The following TLK2 variants were observed in gnomAD, a reference collection of about 807,000 sequenced individuals.
TLK2 encodes tousled like kinase 2.
In TLK2, 6 loss-of-function variants were observed where a neutral mutation model predicts 117.3. The observed-to-expected ratio is 0.05, with a 90% confidence interval of 0.03 to 0.10. The LOEUF (loss-of-function observed/expected upper bound fraction) is 0.10. Among genes scored for constraint, TLK2 ranks in the 10% least tolerant of loss-of-function variants. The pLI, the probability that TLK2 is intolerant of heterozygous loss-of-function variation, is 1.00. For missense variants in TLK2, 299 were observed against 901.2 expected (o/e 0.33, Z 8.56); for synonymous variants, 257 against 316.7 (o/e 0.81, Z 2.00).
chr17:62,508,539 C>T, intron 2 of TLK2: 1 of 985,036 alleles, frequency 1.0e-6, no homozygotes, highest in Non-Finnish European at 1.2e-6. Context: ...GAGAGTACAT[C>T]GGATATAACA....
At chr17:62,537,646 G>T (rs2077206362) in intron 7 of TLK2, among the ~76,000 whole-genome samples, 1 of 152,142 alleles carries the variant, frequency 6.6e-6, no homozygotes, top group East Asian at 1.9e-4. Context: ...GCCTGGGATA[G>T]GCTCTGGCTT....
intron 2 of TLK2, among the ~76,000 whole-genome samples, chr17:62,512,904 G>A (rs2075275185): frequency 8.2e-6 from 1 of 121,264 alleles, no homozygotes; most frequent in Non-Finnish European, 1.9e-5. Context: ...TAGAGACGAA[G>A]TTTCGCTCTC....
chr17:62,596,556 T>A (rs769171183), intron 16 of TLK2, 29 bp from the exon 17 acceptor site: 1 of 1,573,486 alleles, frequency 6.4e-7, no homozygotes, highest in African/African-American at 1.3e-5. Context: ...CCAATATACC[T>A]TCTTGTTAAT....
rs2083913041 is a variant in TLK2, at chr17:62,613,107, G to A, written c.*542G>A. On this transcript the variant is annotated 3_prime_UTR_variant, in exon 22 of 22. Transcript: ENST00000346027. ...TTGCCCGTTAAAGGCACTAGAGTTAGTGTTTTATCCCTAAATAATTTCAAT... is the reference window on the plus strand; with the variant it reads ...TTGCCCGTTAAAGGCACTAGAGTTAATGTTTTATCCCTAAATAATTTCAAT... 1 of 152,652 alleles carries A rather than the reference G, an allele frequency of 6.6e-6. No individual in the cohort carries two copies. The highest frequency in any genetic ancestry group is 2.4e-5 in the African/African-American group (1 of 41,454). 9.5% of individuals were successfully genotyped at this position (152,652 alleles called of 1,614,324 possible).
At chr17:62,558,308 G>A (rs1184414886) in intron 9 of TLK2, among the ~76,000 whole-genome samples, 8 of 152,046 alleles carry the variant, frequency 5.3e-5, no homozygotes, top group Admixed American at 5.2e-4. Context: ...CATCAGAGGC[G>A]CATGCCACCA....
At chr17:62,598,766 G>A (rs905423679) in intron 17 of TLK2, among the ~76,000 whole-genome samples, 13 of 151,824 alleles carry the variant, frequency 8.6e-5, no homozygotes, top group African/African-American at 2.9e-4. Context: ...CTTGTGATCC[G>A]CCCGCCTGGG....
At chr17:62,575,643 C>CT (rs1448568104) in intron 12 of TLK2, among the ~76,000 whole-genome samples, 1 of 152,108 alleles carries the variant, frequency 6.6e-6, no homozygotes, top group East Asian at 1.9e-4. Context: ...ACTTGTTCAT[C>CT]TTTTTTTCTT....
intron 1 of TLK2, among the ~76,000 whole-genome samples, chr17:62,480,242 G>A (rs1337424894): frequency 1.3e-5 from 2 of 152,214 alleles, no homozygotes; most frequent in Non-Finnish European, 2.9e-5. Context: ...GTGTTCGAAG[G>A]GGTTCTATGT....
chr17:62,514,870 C>T (rs9890379), intron 2 of TLK2, among the ~76,000 whole-genome samples: 2,505 of 152,288 alleles, frequency 0.016, 62 homozygotes, highest in African/African-American at 0.055. Context: ...TGAGCCACCG[C>T]GCCCAGCCCT....
In TLK2 at chr17:62,595,094, G is replaced by A. The variant is rs147017038; in HGVS notation, c.1461-1491G>A. On this transcript the variant is annotated intron_variant, in intron 16 of 21. Coordinates refer to ENST00000346027, the MANE Select transcript of TLK2 (RefSeq NM_006852.6). ...CTCCTGCTTCAGCCTCTTGAGTAGT[G>A]GGGATTACAGGTGGCCACCACCACG... is the stretch of plus-strand genomic sequence containing the variant. Among the ~76,000 whole-genome samples, 157 of 152,060 alleles carry A rather than the reference G, an allele frequency of 1.0e-3. 1 individual carries two copies. Among genetic ancestry groups the A allele is most frequent in the African/African-American group, 3.5e-3 (147 of 41,492 alleles).
intron 2 of TLK2, among the ~76,000 whole-genome samples, chr17:62,515,763 C>G (rs770979939): frequency 2.6e-5 from 4 of 152,274 alleles, no homozygotes; most frequent in Non-Finnish European, 5.9e-5. Context: ...CAAGCATTTT[C>G]TCCCATTCCA....
chr17:62,609,830 T>G (rs752924889), intron 21 of TLK2, among the ~76,000 whole-genome samples: 30 of 152,214 alleles, frequency 2.0e-4, no homozygotes, highest in Non-Finnish European at 4.0e-4. Context: ...AAGGTGTTAG[T>G]AGCTAGGTGC....
At chr17:62,515,802 G>A (rs2075533861) in intron 2 of TLK2, among the ~76,000 whole-genome samples, 1 of 152,076 alleles carries the variant, frequency 6.6e-6, no homozygotes, top group Admixed American at 6.6e-5. Context: ...TGTTGATTGT[G>A]TTGTTTAATG....
intron 2 of TLK2, among the ~76,000 whole-genome samples, chr17:62,507,866 C>A (rs1260109734): frequency 1.3e-5 from 2 of 151,224 alleles, no homozygotes; most frequent in Non-Finnish European, 2.9e-5. Context: ...TTAAGATCCC[C>A]CTAGAAAAAA....
At chr17:62,501,866 C>T (rs570637352) in intron 2 of TLK2, among the ~76,000 whole-genome samples, 1 of 152,112 alleles carries the variant, frequency 6.6e-6, no homozygotes, top group East Asian at 1.9e-4. Flanking sequence ...ACTTGAGAGA[C>T]TGAGGTGGGA....
intron 2 of TLK2, among the ~76,000 whole-genome samples, chr17:62,507,972 T>C (rs2074842032): frequency 6.6e-6 from 1 of 152,072 alleles, no homozygotes. Context: ...TTCTAAACTG[T>C]CCATTTGATT....
intron 2 of TLK2, among the ~76,000 whole-genome samples, chr17:62,487,535 AG>A (rs1248691160): frequency 1.3e-5 from 2 of 150,738 alleles, no homozygotes; most frequent in African/African-American, 2.4e-5. Context: ...AAAAAAAAAA[AG>A]TAAGTCAGCA....
intron 2 of TLK2, among the ~76,000 whole-genome samples, chr17:62,509,922 G>T (rs1019355364): frequency 1.1e-4 from 17 of 152,192 alleles, no homozygotes; most frequent in African/African-American, 4.1e-4. Context: ...TAACCTGCTG[G>T]TGCCTTGGTA....
At position 62,555,014 on chromosome 17, in the gene TLK2, G is replaced by GTA. The variant is rs1280687155; in HGVS notation, c.720+1266_720+1267dup. Among the ~76,000 whole-genome samples the GTA allele has an allele frequency of 2.0e-3, 306 of 150,692 alleles. 1 individual carries two copies. The highest frequency in any genetic ancestry group is 4.7e-3 in the African/African-American group (194 of 40,880). ...AGCTGTTTGAAGTAGATATGTGTGTGTATATATACACACACACACACACAA... is the reference window on the plus strand; with the variant it reads ...AGCTGTTTGAAGTAGATATGTGTGTGTATATATATACACACACACACACACAA... On this transcript the variant is annotated intron_variant, in intron 9 of 21. Transcript: ENST00000346027.
Sources: allele counts gnomAD v4.1 joint callset (sites outside exome capture counted in the v4.1 genomes callset), GRCh38; gene constraint gnomAD v4.1.1; transcripts MANE v1.5; gene names NCBI Gene and HGNC (gene_info 2026-07-23, HGNC 2026-07-21).